RALGAPA2: variants seen among roughly 807,000 people sequenced by gnomAD.
RALGAPA2 encodes the protein Ral GTPase activating protein catalytic subunit alpha 2, also known as ral GTPase-activating protein subunit alpha-2.
In RALGAPA2, 139 loss-of-function variants were observed where a neutral mutation model predicts 230.4. The ratio of observed to expected loss-of-function variants is 0.60; its 90% CI spans 0.53 to 0.69. The LOEUF (loss-of-function observed/expected upper bound fraction) is 0.69, where lower values mean the gene tolerates loss of function less well. Among genes scored for constraint, RALGAPA2 ranks in the 30% least tolerant of loss-of-function variants. The probability of loss-of-function intolerance (pLI) is 0.00; values close to 1 mark genes in which losing one functional copy is unlikely to be tolerated. For synonymous variants in RALGAPA2, 847 were observed against 837.8 expected (o/e 1.01, Z -0.19); for missense variants, 2,163 against 2,276.0 (o/e 0.95, Z 1.01).
chr20:20,492,038 G>A (rs2062073025), intron 36 of RALGAPA2, among the ~76,000 whole-genome samples: 1 of 152,134 alleles, frequency 6.6e-6, no homozygotes, highest in Non-Finnish European at 1.5e-5. Context: ...GAATGAAAAA[G>A]CGAAATATGT....
At chr20:20,590,158 A>T (rs531009529) in intron 17 of RALGAPA2, among the ~76,000 whole-genome samples, 2 of 152,190 alleles carry the variant, frequency 1.3e-5, no homozygotes, top group South Asian at 2.1e-4. Flanking sequence ...TCAAGAATAC[A>T]ATACACTGTT....
intron 24 of RALGAPA2, among the ~76,000 whole-genome samples, chr20:20,542,415 A>G (rs1353769837): frequency 2.6e-5 from 4 of 152,220 alleles, no homozygotes; most frequent in Admixed American, 6.5e-5. Context: ...ACTACTTTAA[A>G]TTTCATATGG....
intron 16 of RALGAPA2, among the ~76,000 whole-genome samples, chr20:20,601,297 C>A (rs769968808): frequency 6.6e-6 from 1 of 152,154 alleles, no homozygotes; most frequent in African/African-American, 2.4e-5. Context: ...TCCTGAAATT[C>A]TCCTTTTCTT....
intron 7 of RALGAPA2, 56 bp from the exon 8 acceptor site, chr20:20,637,557 T>C: frequency 3.5e-6 from 5 of 1,427,784 alleles, no homozygotes; most frequent in Middle Eastern, 2.4e-4. Flanking sequence ...AATTAACATA[T>C]ACTAAACTGA....
intron 37 of RALGAPA2, among the ~76,000 whole-genome samples, chr20:20,434,193 C>T (rs1048847367): frequency 6.6e-6 from 1 of 152,156 alleles, no homozygotes; most frequent in Non-Finnish European, 1.5e-5. Flanking sequence ...TTTTAATACA[C>T]ATGGTTAGTC....
intron 30 of RALGAPA2, among the ~76,000 whole-genome samples, chr20:20,523,816 A>G (rs1006025063): frequency 1.3e-5 from 2 of 152,254 alleles, no homozygotes; most frequent in Non-Finnish European, 2.9e-5. Flanking sequence ...GACATAGAAC[A>G]TGTTCCATGA....
rs1200016600 is a variant in RALGAPA2 at position 20,524,864 on chromosome 20, C to T, written c.3728G>A (p.Ser1243Asn). Residue 1243 changes from serine to asparagine, a missense_variant, in exon 29 of 40, where the codon AGT becomes AAT. Coordinates refer to ENST00000202677, the MANE Select transcript of RALGAPA2 (RefSeq NM_020343.4). ...TGTTTCCACTGAGGAGTACTCTGCA[C>T]TTGGTAAAAGAAAAGCAACTGTGGC... is the stretch of plus-strand genomic sequence containing the variant. ...LVATVAFLLP[S>N]AEYSSVETDK... 1 of 1,610,928 alleles carries T rather than the reference C, an allele frequency of 6.2e-7. No homozygotes were observed.
intron 36 of RALGAPA2, among the ~76,000 whole-genome samples, chr20:20,486,972 T>C (rs79804122): frequency 1.6e-3 from 248 of 152,364 alleles, no homozygotes; most frequent in African/African-American, 5.7e-3. Flanking sequence ...TCTCTTCTTA[T>C]ATGTTGTCCA....
intron 23 of RALGAPA2, among the ~76,000 whole-genome samples, chr20:20,571,130 A>G (rs1036781734): frequency 2.0e-5 from 3 of 152,212 alleles, no homozygotes; most frequent in Non-Finnish European, 2.9e-5. Context: ...TCTTCAAACC[A>G]TATTTAATGC....
Position 20,443,860 on chromosome 20 carries a change from G to A in RALGAPA2, c.5495+28969C>T, listed in dbSNP as rs570053708. Among the ~76,000 whole-genome samples the A allele has an allele frequency of 3.7e-4, 56 of 152,352 alleles. No homozygotes were observed. The South Asian group carries it at 7.7e-3, about 21-fold the overall frequency. On this transcript the variant is annotated intron_variant, in intron 37 of 39. Transcript: ENST00000202677. ...CTCAGATCTGGAAGAAACCATGGGG[G>A]AATCTCGAGTCCATCTCTCACAGCA...
chr20:20,597,310 T>C (rs1241175957), intron 16 of RALGAPA2, among the ~76,000 whole-genome samples: 3 of 152,224 alleles, frequency 2.0e-5, no homozygotes, highest in Non-Finnish European at 4.4e-5. Context: ...ATTGGGCAGT[T>C]AAAACTCAAC....
At chr20:20,572,728 T>A in intron 21 of RALGAPA2, 147 bp downstream of exon 21, 1 of 698,814 alleles carries the variant, frequency 1.4e-6, no homozygotes, top group Non-Finnish European at 2.2e-6. Flanking sequence ...TTATATATGA[T>A]TATTCTTTGA....
At chr20:20,503,276 T>A (rs1011421842) in intron 35 of RALGAPA2, 75 bp downstream of exon 35, 5 of 1,275,184 alleles carry the variant, frequency 3.9e-6, no homozygotes, top group Admixed American at 5.7e-5. Context: ...GTTCTACCCT[T>A]GTATTTGTCT....
intron 23 of RALGAPA2, among the ~76,000 whole-genome samples, chr20:20,549,260 A>C (rs1288011229): frequency 2.0e-5 from 3 of 152,208 alleles, no homozygotes; most frequent in African/African-American, 7.2e-5. Context: ...ACAATCTGTA[A>C]AATGGGGCAT....
At chr20:20,524,147 G>A (rs1459289429) in intron 30 of RALGAPA2, among the ~76,000 whole-genome samples, 4 of 152,074 alleles carry the variant, frequency 2.6e-5, no homozygotes, top group African/African-American at 7.2e-5. Flanking sequence ...TAGTAGAGAT[G>A]GGGTTTCACC....
At chr20:20,593,980 G>A (rs1394996866) in intron 16 of RALGAPA2, among the ~76,000 whole-genome samples, 1 of 152,296 alleles carries the variant, frequency 6.6e-6, no homozygotes, top group African/African-American at 2.4e-5. Flanking sequence ...GGACGTATCA[G>A]ATGGAGAAAG....
chr20:20,518,790 T>C (rs1275828974), intron 31 of RALGAPA2, among the ~76,000 whole-genome samples: 1 of 152,208 alleles, frequency 6.6e-6, no homozygotes, highest in Non-Finnish European at 1.5e-5. Context: ...ATTTTAGGGA[T>C]AGCCATGTTT....
At chr20:20,522,111 C>T (rs2063060924) in intron 30 of RALGAPA2, among the ~76,000 whole-genome samples, 1 of 150,802 alleles carries the variant, frequency 6.6e-6, no homozygotes, top group African/African-American at 2.4e-5. Flanking sequence ...AGGAAATGCA[C>T]ATTAAAACCA....
chr20:20,394,889 C>A (rs114558805), intron 39 of RALGAPA2, among the ~76,000 whole-genome samples: 425 of 44,632 alleles, frequency 9.5e-3, no homozygotes, highest in South Asian at 0.016. Flanking sequence ...AATAAATAAG[C>A]AAAAAAAAAA....
Sources: gnomAD v4.1 joint callset for allele counts (sites outside exome capture counted in the v4.1 genomes callset) on GRCh38, gnomAD v4.1.1 for gene constraint, MANE v1.5 for transcripts, NCBI Gene and HGNC (gene_info 2026-07-23, HGNC 2026-07-21) for gene names.